DLG1: variants seen among roughly 807,000 people sequenced by gnomAD.
DLG1 encodes the protein disks large homolog 1.
DLG1 carries 42 observed loss-of-function variants against 123.4 expected under a neutral mutation model. The ratio of observed to expected loss-of-function variants is 0.34; its 90% CI spans 0.27 to 0.44. The LOEUF (loss-of-function observed/expected upper bound fraction) is 0.44. Ranked by LOEUF, DLG1 falls within the 20% of genes least tolerant of loss-of-function variation. DLG1 has a pLI of 1.00. For missense variants in DLG1, 942 were observed against 1,082.6 expected, an observed-to-expected ratio of 0.87 and a Z score of 1.82; for synonymous variants, 317 against 356.2, an observed-to-expected ratio of 0.89 and a Z score of 1.24.
At chr3:197,076,042 G>A (rs902058790) in intron 18 of DLG1, among the ~76,000 whole-genome samples, 1 of 152,200 alleles carries the variant, frequency 6.6e-6, no homozygotes, top group Non-Finnish European at 1.5e-5. Context: ...TGAGCTAGCT[G>A]CTAACTGTAA....
At position 197,290,899 on chromosome 3, in the gene DLG1, A is replaced by C. The variant is rs1214005610; in HGVS notation, c.151+5447T>G. 9.5e-5 allele frequency among the ~76,000 whole-genome samples: 3 copies of C among 31,510 alleles called. No individual in the cohort carries two copies. In the East Asian group the frequency reaches 0.011, roughly 112 times the overall value. The allele number at this position is 31,510 out of a possible 152,430, so 20.7% of individuals were successfully genotyped here. A position where few individuals can be genotyped will look rare whatever the true frequency, so the allele number is the denominator to read the frequency against. On this transcript the variant is annotated intron_variant, in intron 3 of 24. Coordinates refer to ENST00000667157, the MANE Select transcript of DLG1 (RefSeq NM_001366207.1). ...AGCAAGACCCTGTCTCCAAATAGTAAAAAAAAAAAAAAAAAAAAAAAAGTC... is the reference window on the plus strand; with the variant it reads ...AGCAAGACCCTGTCTCCAAATAGTACAAAAAAAAAAAAAAAAAAAAAAGTC...
chr3:197,181,808 C>A (rs2150138370), intron 5 of DLG1, among the ~76,000 whole-genome samples: 1 of 152,154 alleles, frequency 6.6e-6, no homozygotes, highest in South Asian at 2.1e-4. Flanking sequence ...GGAAAGAGGT[C>A]TGAAAGAAAT....
chr3:197,111,489 T>C (rs1161042001), intron 13 of DLG1, among the ~76,000 whole-genome samples: 7 of 152,232 alleles, frequency 4.6e-5, no homozygotes, highest in African/African-American at 1.7e-4. Flanking sequence ...TCAACAATAT[T>C]AATCTTTTAA....
intron 11 of DLG1, among the ~76,000 whole-genome samples, chr3:197,129,024 T>TAA (rs1207328821): frequency 2.0e-5 from 3 of 152,232 alleles, no homozygotes; most frequent in Non-Finnish European, 4.4e-5. Context: ...TCTGGACTGG[T>TAA]AAATGGGCAT....
At chr3:197,278,842 T>C (rs1427269695) in intron 4 of DLG1, among the ~76,000 whole-genome samples, 3 of 152,136 alleles carry the variant, frequency 2.0e-5, no homozygotes, top group Non-Finnish European at 4.4e-5. Context: ...TCTTAACTAC[T>C]TTTAGCAAAA....
chr3:197,205,654 G>A (rs1728151286), intron 4 of DLG1, among the ~76,000 whole-genome samples: 1 of 152,056 alleles, frequency 6.6e-6, no homozygotes, highest in Non-Finnish European at 1.5e-5. Context: ...AACTAAAACC[G>A]ACATTACAAT....
chr3:197,291,492 A>G (rs1774908502), intron 3 of DLG1, among the ~76,000 whole-genome samples: 1 of 152,238 alleles, frequency 6.6e-6, no homozygotes. Flanking sequence ...ATCATCATAA[A>G]CATAATGCAC....
At chr3:197,062,767 T>C (rs1471791842) in intron 22 of DLG1, among the ~76,000 whole-genome samples, 1 of 152,214 alleles carries the variant, frequency 6.6e-6, no homozygotes, top group Non-Finnish European at 1.5e-5. Flanking sequence ...GTGTTATTTT[T>C]AGGTCTTCTT....
intron 15 of DLG1, among the ~76,000 whole-genome samples, chr3:197,087,088 A>G (rs1754848960): frequency 6.6e-6 from 1 of 152,192 alleles, no homozygotes; most frequent in Non-Finnish European, 1.5e-5. Context: ...AAGACTACAC[A>G]CAAAACCTTC....
At chr3:197,089,841 G>A (rs894203286) in intron 15 of DLG1, among the ~76,000 whole-genome samples, 2 of 151,972 alleles carry the variant, frequency 1.3e-5, no homozygotes, top group Admixed American at 6.6e-5. Context: ...AGTACTGCTA[G>A]AATTGGCGAA....
intron 5 of DLG1, among the ~76,000 whole-genome samples, chr3:197,177,701 T>C (rs1320792365): frequency 6.6e-6 from 1 of 152,180 alleles, no homozygotes; most frequent in Non-Finnish European, 1.5e-5. Context: ...TGTCTCACTT[T>C]AATTATTAAT....
In DLG1 at chr3:197,051,606, A is replaced by C; in HGVS notation, c.2546T>G (p.Leu849Arg). ...ARKTFERAMK[L>R]EQEFTEHFTA... ...GAAATGTTCAGTAAACTCCTGTTCC[A>C]GTTTCATGGCTCTCTCAAATGTTTT... is the stretch of plus-strand genomic sequence containing the variant. The change falls in exon 24 of 25, where the codon CTG (leucine) becomes CGG (arginine). Residue 849 changes from leucine to arginine, a missense_variant. By Grantham distance (102) the Leu-to-Arg change is moderately radical (BLOSUM62 -2). Transcript: ENST00000667157. The C allele has an allele frequency of 6.2e-7, 1 of 1,613,950 alleles. No homozygotes were observed. The highest frequency in any genetic ancestry group is 8.5e-7 in the Non-Finnish European group (1 of 1,179,868).
intron 24 of DLG1, among the ~76,000 whole-genome samples, chr3:197,045,832 A>AGTGATCTTGGAAGAGCATCATAG (rs1359156774): frequency 1.3e-5 from 2 of 152,256 alleles, no homozygotes; most frequent in East Asian, 3.8e-4. Flanking sequence ...AAAAATGCCC[A>AGTGATCTTGGAAGAGCATCATAG]GTGATCTTGG....
chr3:197,171,945 A>T (rs1804412784), intron 5 of DLG1, among the ~76,000 whole-genome samples: 1 of 152,116 alleles, frequency 6.6e-6, no homozygotes, highest in Non-Finnish European at 1.5e-5. Flanking sequence ...TTTGCCTTGT[A>T]TTATTCACCC....
At chr3:197,289,153 C>T (rs558664977) in intron 3 of DLG1, among the ~76,000 whole-genome samples, 40 of 152,248 alleles carry the variant, frequency 2.6e-4, no homozygotes, top group African/African-American at 8.9e-4. Context: ...GGAAAAAAAA[C>T]AATTGTGCTG....
At chr3:197,277,606 G>A (rs1441167257) in intron 4 of DLG1, among the ~76,000 whole-genome samples, 2 of 151,980 alleles carry the variant, frequency 1.3e-5, no homozygotes, top group African/African-American at 4.8e-5. Context: ...CTCCAAAAGT[G>A]CTAGGATTAC....
At chr3:197,192,292 A>G (rs981473406) in intron 5 of DLG1, among the ~76,000 whole-genome samples, 2 of 152,232 alleles carry the variant, frequency 1.3e-5, no homozygotes, top group African/African-American at 4.8e-5. Context: ...CATTAAAAAA[A>G]TACAATAAGA....
Position 197,138,267 on chromosome 3 carries a change from C to G in DLG1, c.838G>C (p.Val280Leu), listed in dbSNP as rs772510206. ...VRLYVKRRKPVSEKIMEIKLI... is the reference protein window; with the variant it reads ...VRLYVKRRKPLSEKIMEIKLI... ...TTTATTTCCATTATTTTTTCTGACA[C>G]TGGTTTCCTTCTTTTTACATACAAG... is the stretch of plus-strand genomic sequence containing the variant. The change falls in exon 9 of 25, where the codon GTG becomes CTG. Residue 280 changes from valine (V) to leucine (L), a missense_variant. Coordinates refer to ENST00000667157, the MANE Select transcript of DLG1 (RefSeq NM_001366207.1). 5 of 1,603,398 alleles carry G rather than the reference C, an allele frequency of 3.1e-6. No homozygotes were observed. In the Admixed American group the frequency reaches 8.4e-5, roughly 27 times the overall value.
At chr3:197,293,646 G>A (rs1775992090) in intron 3 of DLG1, among the ~76,000 whole-genome samples, 1 of 150,086 alleles carries the variant, frequency 6.7e-6, no homozygotes, top group South Asian at 2.1e-4. Context: ...TTTTTTAAAT[G>A]CATGAAAAGT....
Sources: gnomAD v4.1 joint callset for allele counts (sites outside exome capture counted in the v4.1 genomes callset) on GRCh38, gnomAD v4.1.1 for gene constraint, MANE v1.5 for transcripts, NCBI Gene and HGNC (gene_info 2026-07-23, HGNC 2026-07-21) for gene names.